ETNK2: variants seen among roughly 807,000 people sequenced by gnomAD.
ETNK2 encodes ethanolamine kinase-like protein.
Under a neutral mutation model 46.2 loss-of-function variants are expected in ETNK2, and 33 were observed. That is an observed-to-expected ratio of 0.71 (90% confidence interval 0.54 to 0.96). The LOEUF is 0.96. Ranked by LOEUF, ETNK2 falls within the 40% of genes least tolerant of loss-of-function variation. The pLI, the probability that ETNK2 is intolerant of heterozygous loss-of-function variation, is 0.00. For missense variants in ETNK2, 445 were observed against 509.7 expected, an observed-to-expected ratio of 0.87 and a Z score of 1.22; for synonymous variants, 194 against 209.0, an observed-to-expected ratio of 0.93 and a Z score of 0.62.
At chr1:204,150,110 T>TCA in intron 1 of ETNK2, 148 bp from the exon 2 acceptor site, 1 of 843,652 alleles carries the variant, frequency 1.2e-6, no homozygotes, top group Non-Finnish European at 1.8e-6. Context: ...GCCCAGTCAC[T>TCA]CATGCTCCTC....
chr1:204,134,751 A>C (rs1657217947), intron 6 of ETNK2, 163 bp from the exon 7 acceptor site: 1 of 1,526,874 alleles, frequency 6.5e-7, no homozygotes, highest in Non-Finnish European at 8.9e-7. Flanking sequence ...CTGGAGGCCA[A>C]GTCACTGCAC....
intron 4 of ETNK2, 104 bp from the exon 5 acceptor site, chr1:204,140,222 G>A (rs776198554): frequency 1.2e-5 from 10 of 858,898 alleles, no homozygotes; most frequent in East Asian, 2.5e-5. Flanking sequence ...GAGTGATGCC[G>A]GCCTCTGCAG....
chr1:204,146,535 C>G, intron 3 of ETNK2, 107 bp downstream of exon 3: 2 of 1,347,860 alleles, frequency 1.5e-6, no homozygotes, highest in East Asian at 2.3e-5. Flanking sequence ...CCAGCCTCCT[C>G]CCCGAGACCT....
intron 5 of ETNK2, among the ~76,000 whole-genome samples, chr1:204,139,209 C>T (rs948028938): frequency 3.9e-5 from 6 of 152,178 alleles, no homozygotes; most frequent in African/African-American, 1.4e-4. Flanking sequence ...CTCATCAGGC[C>T]ACCAGGCAAA....
intron 3 of ETNK2, chr1:204,142,546 T>G (rs557063770): frequency 3.3e-5 from 5 of 152,226 alleles, no homozygotes; most frequent in African/African-American, 1.2e-4. Flanking sequence ...GGCCAAACAC[T>G]TATCACAGTC....
At chr1:204,137,280 T>C (rs778959019) in intron 5 of ETNK2, 31 bp from the exon 6 acceptor site, 2 of 1,609,570 alleles carry the variant, frequency 1.2e-6, no homozygotes, top group Non-Finnish European at 1.7e-6. Context: ...ACAAAGTTGC[T>C]CAGAGATGGG....
At chr1:204,134,879 C>T (rs1467020647) in intron 6 of ETNK2, among the ~76,000 whole-genome samples, 6 of 152,142 alleles carry the variant, frequency 3.9e-5, no homozygotes, top group Non-Finnish European at 8.8e-5. Flanking sequence ...GGGGGGTTCC[C>T]ACAACCTAAG....
chr1:204,151,095 A>C lies in ETNK2; in HGVS notation c.258+500T>G. Reference sequence around the variant, plus strand: ...CAGCGATGGTGAGGAGCTGAGTGCTAGCTGGAATTCCACAGGGTGGCTCCT... The same window carrying C: ...CAGCGATGGTGAGGAGCTGAGTGCTCGCTGGAATTCCACAGGGTGGCTCCT... On this transcript the variant is annotated intron_variant, in intron 1 of 7. Coordinates refer to ENST00000367202, the MANE Select transcript of ETNK2 (RefSeq NM_018208.4). This position sits in a 1 kb window ranked among gnomAD's most constrained non-coding sequence, Gnocchi z 8.0. 1 of 196,670 alleles carries C rather than the reference A, an allele frequency of 5.1e-6. No homozygotes were observed. 12.2% of individuals were successfully genotyped at this position (196,670 alleles called of 1,614,324 possible).
At chr1:204,135,013 G>C (rs1292937648) in intron 6 of ETNK2, among the ~76,000 whole-genome samples, 1 of 152,170 alleles carries the variant, frequency 6.6e-6, no homozygotes, top group African/African-American at 2.4e-5. Context: ...AATGGTCAGT[G>C]GGGGGCTGGA....
chr1:204,146,949 G>A, intron 2 of ETNK2, 185 bp from the exon 3 acceptor site: 2 of 768,774 alleles, frequency 2.6e-6, no homozygotes, highest in South Asian at 1.5e-5. Flanking sequence ...GCAGAAGAGA[G>A]GAGAATGAAT....
At chr1:204,147,427 C>T in intron 2 of ETNK2, 1 of 533,322 alleles carries the variant, frequency 1.9e-6, no homozygotes, top group Non-Finnish European at 3.8e-6. Flanking sequence ...GGAAAGGTTG[C>T]TGGGAGAAGG....
chr1:204,150,884 G>C (rs1231128326), intron 1 of ETNK2: 1 of 152,400 alleles, frequency 6.6e-6, no homozygotes, highest in South Asian at 2.1e-4. Context: ...TACCATTCCA[G>C]CACAAGCTAC....
chr1:204,146,760 T>C lies in ETNK2; in HGVS notation c.523A>G (p.Ile175Val), dbSNP rs778813214. ...TGAATCTTTGCCATTTCTAAGGCGA[T>C]TAACCTACAGCAGGGAACAGGAAGA... ...HIREPRLFRLIALEMAKIHTI... is the reference protein window; with the variant it reads ...HIREPRLFRLVALEMAKIHTI... Residue 175 changes from isoleucine (I) to valine (V), a missense_variant, in exon 3 of 8, where the codon ATC becomes GTC. Transcript: ENST00000367202. 4.3e-6 allele frequency: 7 copies of C among 1,614,018 alleles called. No homozygotes were observed. In the South Asian group the frequency reaches 6.6e-5, roughly 15 times the overall value.
At chr1:204,137,937 G>A (rs1657353356) in intron 5 of ETNK2, among the ~76,000 whole-genome samples, 1 of 152,168 alleles carries the variant, frequency 6.6e-6, no homozygotes, top group Non-Finnish European at 1.5e-5. Flanking sequence ...GGGCATGGTA[G>A]AATAAACCAC....
At chr1:204,141,131 C>T (rs1191746150) in intron 4 of ETNK2, 184 bp downstream of exon 4, 1 of 794,498 alleles carries the variant, frequency 1.3e-6, no homozygotes, top group African/African-American at 1.7e-5. Flanking sequence ...TGGCCCTTGG[C>T]ACAGACTTTT....
chr1:204,133,480 GCTTT>G (rs1657149615), intron 7 of ETNK2, among the ~76,000 whole-genome samples: 1 of 143,506 alleles, frequency 7.0e-6, no homozygotes, highest in Non-Finnish European at 1.5e-5. Flanking sequence ...ACCATGCTTT[GCTTT>G]TTTTTTTAAT....
chr1:204,134,296 G>A (rs976404808), intron 7 of ETNK2, among the ~76,000 whole-genome samples: 4 of 152,206 alleles, frequency 2.6e-5, no homozygotes, highest in Non-Finnish European at 4.4e-5. Context: ...CACCTCCTAC[G>A]AGGAACAGGG....
At chr1:204,143,504 C>T (rs753247400) in intron 3 of ETNK2, among the ~76,000 whole-genome samples, 2 of 152,154 alleles carry the variant, frequency 1.3e-5, no homozygotes, top group African/African-American at 2.4e-5. Context: ...CCTTCAGTCC[C>T]GCCACCACGG....
At chr1:204,147,592 T>A (rs1657841765) in intron 2 of ETNK2, 1 of 525,562 alleles carries the variant, frequency 1.9e-6, no homozygotes, top group African/African-American at 1.9e-5. Flanking sequence ...ACTCCAACAT[T>A]CAGCTTCCTT....
Sources: allele counts gnomAD v4.1 joint callset (sites outside exome capture counted in the v4.1 genomes callset), GRCh38; gene constraint gnomAD v4.1.1; non-coding constraint Gnocchi (gnomAD v3.1); transcripts MANE v1.5; gene names NCBI Gene and HGNC (gene_info 2026-07-23, HGNC 2026-07-21).